Variants in SORCS2 observed in about 807,000 individuals in gnomAD.
The protein encoded by SORCS2 is sortilin related VPS10 domain containing receptor 2.
SORCS2 carries 100 observed loss-of-function variants against 141.6 expected under a neutral mutation model. The observed-to-expected ratio is 0.71, with a 90% CI of 0.60 to 0.83. SORCS2 has a LOEUF of 0.83. Ranked by LOEUF, SORCS2 falls within the 40% of genes least tolerant of loss-of-function variation. SORCS2 has a pLI of 0.00. For missense variants in SORCS2, 1,646 were observed against 1,560.2 expected (o/e 1.05, Z -0.93); for synonymous variants, 789 against 676.9 (o/e 1.17, Z -2.57).
chr4:7,281,124 C>T (rs1213353966), intron 1 of SORCS2, among the ~76,000 whole-genome samples: 1 of 152,150 alleles, frequency 6.6e-6, no homozygotes, highest in Non-Finnish European at 1.5e-5. Context: ...TGATAAAACC[C>T]AGCAGAAAAC....
chr4:7,449,381 C>T (rs1215807977), intron 2 of SORCS2, among the ~76,000 whole-genome samples: 3 of 104,970 alleles, frequency 2.9e-5, no homozygotes, highest in East Asian at 3.2e-4. Flanking sequence ...TCCCCTCCCT[C>T]CCTCCCTCCC....
Position 7,220,794 on chromosome 4 carries a change from G to T in SORCS2, c.480+27668G>T, listed in dbSNP as rs534413788. On this transcript the variant is annotated intron_variant, in intron 1 of 26. Coordinates refer to ENST00000507866, the MANE Select transcript of SORCS2 (RefSeq NM_020777.3). ...CCAGCTCCTTCCCAAGGCCAAGCTTGGTCACCGAGCAGTGGGAAGTGACTT... is the reference window on the plus strand; with the variant it reads ...CCAGCTCCTTCCCAAGGCCAAGCTTTGTCACCGAGCAGTGGGAAGTGACTT... Among the ~76,000 whole-genome samples the T allele has an allele frequency of 3.3e-5, 5 of 152,252 alleles. No homozygotes were observed. In the East Asian group the frequency reaches 7.7e-4, roughly 24 times the overall value.
chr4:7,387,573 AT>A (rs1723479880), intron 1 of SORCS2, among the ~76,000 whole-genome samples: 1 of 151,514 alleles, frequency 6.6e-6, no homozygotes, highest in Non-Finnish European at 1.5e-5. Flanking sequence ...ACACGCACAC[AT>A]GCACACACAT....
At chr4:7,373,421 G>A (rs943928263) in intron 1 of SORCS2, among the ~76,000 whole-genome samples, 3 of 122,886 alleles carry the variant, frequency 2.4e-5, no homozygotes, top group African/African-American at 3.3e-5. Flanking sequence ...TTTATAGTAC[G>A]TTGTTTGTCT....
intron 2 of SORCS2, among the ~76,000 whole-genome samples, chr4:7,418,069 C>T: frequency 6.6e-6 from 1 of 152,166 alleles, no homozygotes; most frequent in Non-Finnish European, 1.5e-5. Flanking sequence ...GAGGCTCTTA[C>T]CAGTTACGCT....
chr4:7,710,725 T>C (rs1299582056), intron 14 of SORCS2, among the ~76,000 whole-genome samples: 4 of 152,134 alleles, frequency 2.6e-5, no homozygotes, highest in Non-Finnish European at 5.9e-5. Flanking sequence ...GGGGCCACCG[T>C]GCAGGCCCAC....
At chr4:7,575,848 G>A (rs1018697724) in intron 3 of SORCS2, among the ~76,000 whole-genome samples, 2 of 152,166 alleles carry the variant, frequency 1.3e-5, no homozygotes, top group Non-Finnish European at 2.9e-5. Flanking sequence ...GGCTATGAGA[G>A]GTTTAGGGTC....
intron 3 of SORCS2, among the ~76,000 whole-genome samples, chr4:7,601,629 A>AG (rs1455032243): frequency 6.7e-6 from 1 of 149,810 alleles, no homozygotes; most frequent in Non-Finnish European, 1.5e-5. Context: ...AAAAAAAAAA[A>AG]AAAAAAAAAA....
At chr4:7,735,566 G>A (rs750525959) in intron 25 of SORCS2, among the ~76,000 whole-genome samples, 2 of 152,176 alleles carry the variant, frequency 1.3e-5, no homozygotes, top group Admixed American at 6.5e-5. Context: ...GGACTTCCCT[G>A]AGGAAGTGAC....
At chr4:7,426,356 C>G (rs1013779910) in intron 2 of SORCS2, among the ~76,000 whole-genome samples, 1 of 150,822 alleles carries the variant, frequency 6.6e-6, no homozygotes, top group Non-Finnish European at 1.5e-5. Flanking sequence ...GACAGTCCAG[C>G]TCCTGAAGAG....
intron 3 of SORCS2, among the ~76,000 whole-genome samples, chr4:7,590,048 G>T (rs775205329): frequency 6.6e-6 from 1 of 152,164 alleles, no homozygotes; most frequent in Middle Eastern, 3.2e-3. Flanking sequence ...GCCGAGAAGG[G>T]GAATGGCTAT....
chr4:7,316,722 G>A (rs1433146345), intron 1 of SORCS2, among the ~76,000 whole-genome samples: 3 of 152,168 alleles, frequency 2.0e-5, no homozygotes, highest in Non-Finnish European at 2.9e-5. Flanking sequence ...GAAATAAATG[G>A]GGACTGGAAG....
At chr4:7,656,950 C>T (rs553690998) in intron 5 of SORCS2, among the ~76,000 whole-genome samples, 224 of 152,370 alleles carry the variant, frequency 1.5e-3, no homozygotes, top group African/African-American at 4.8e-3. Flanking sequence ...CTGCCCCCGG[C>T]CAGCTCACTG....
intron 1 of SORCS2, among the ~76,000 whole-genome samples, chr4:7,200,024 G>C (rs983333380): frequency 2.0e-5 from 2 of 98,814 alleles, no homozygotes; most frequent in African/African-American, 4.4e-5. Flanking sequence ...GCGCAGAGGT[G>C]GGGGAGGCTG....
At chr4:7,674,710 G>A (rs1022712291) in intron 8 of SORCS2, among the ~76,000 whole-genome samples, 9 of 149,824 alleles carry the variant, frequency 6.0e-5, no homozygotes, top group Non-Finnish European at 1.2e-4. Context: ...AGTCCAGCCC[G>A]ACCCTGAGCC....
At chr4:7,464,906 C>T (rs536614665) in intron 2 of SORCS2, among the ~76,000 whole-genome samples, 23 of 152,338 alleles carry the variant, frequency 1.5e-4, no homozygotes, top group African/African-American at 3.1e-4. Flanking sequence ...CCGGCGCCTC[C>T]GGCCATGGGT....
intron 1 of SORCS2, among the ~76,000 whole-genome samples, chr4:7,243,181 GA>G (rs1712830633): frequency 6.6e-6 from 1 of 152,204 alleles, no homozygotes; most frequent in African/African-American, 2.4e-5. Context: ...TGTCACGTGG[GA>G]TGTTCTGGTC....
chr4:7,246,276 C>A (rs1309124311), intron 1 of SORCS2, among the ~76,000 whole-genome samples: 1 of 152,218 alleles, frequency 6.6e-6, no homozygotes, highest in African/African-American at 2.4e-5. Context: ...TAAGGAACCC[C>A]CATCCACCTG....
chr4:7,328,547 G>C (rs1719431080), intron 1 of SORCS2, among the ~76,000 whole-genome samples: 1 of 152,130 alleles, frequency 6.6e-6, no homozygotes, highest in Non-Finnish European at 1.5e-5. Flanking sequence ...ACAAGCCCCA[G>C]GTAGCCAGAG....
Sources: gnomAD v4.1 joint callset for allele counts (sites outside exome capture counted in the v4.1 genomes callset) on GRCh38, gnomAD v4.1.1 for gene constraint, MANE v1.5 for transcripts, NCBI Gene and HGNC (gene_info 2026-07-23, HGNC 2026-07-21) for gene names.